Variants in FMNL2 observed in about 807,000 individuals in gnomAD.
The protein encoded by FMNL2 is formin like 2.
Under a neutral mutation model 130.2 loss-of-function variants are expected in FMNL2, and 51 were observed. The observed-to-expected ratio is 0.39, with a 90% CI of 0.31 to 0.49. The LOEUF (loss-of-function observed/expected upper bound fraction) is 0.49, where lower values mean the gene tolerates loss of function less well. FMNL2 is among the 20% of genes least tolerant of loss of function. The probability of loss-of-function intolerance (pLI) is 0.85; values close to 1 mark genes in which losing one functional copy is unlikely to be tolerated. For synonymous variants in FMNL2, 465 were observed against 467.1 expected (o/e 1.00, Z 0.06); for missense variants, 977 against 1,316.2 (o/e 0.74, Z 3.99).
At chr2:152,593,790 G>A (rs958933738) in intron 9 of FMNL2, among the ~76,000 whole-genome samples, 5 of 148,932 alleles carry the variant, frequency 3.4e-5, no homozygotes, top group Admixed American at 1.3e-4. Context: ...TCTTAGCTGT[G>A]CAATGAAGGT....
chr2:152,431,768 C>A (rs376197745), intron 1 of FMNL2, among the ~76,000 whole-genome samples: 6 of 151,810 alleles, frequency 4.0e-5, no homozygotes, highest in African/African-American at 1.5e-4. Context: ...GAGTTGGAGA[C>A]CAGCCCGGGC....
At chr2:152,545,849 C>G (rs1694603815) in intron 3 of FMNL2, among the ~76,000 whole-genome samples, 1 of 152,210 alleles carries the variant, frequency 6.6e-6, no homozygotes, top group Non-Finnish European at 1.5e-5. Context: ...TCCAAGACTT[C>G]TCTGTGGCCC....
chr2:152,374,330 T>A (rs1422960759), intron 1 of FMNL2, among the ~76,000 whole-genome samples: 1 of 152,026 alleles, frequency 6.6e-6, no homozygotes, highest in Non-Finnish European at 1.5e-5. Context: ...TGGGAGAGGG[T>A]CATGGTTATT....
intron 9 of FMNL2, among the ~76,000 whole-genome samples, chr2:152,606,899 A>G (rs1426711423): frequency 6.6e-6 from 1 of 151,770 alleles, no homozygotes; most frequent in Non-Finnish European, 1.5e-5. Context: ...ATTCAGTTAT[A>G]CATATGAACA....
intron 6 of FMNL2, among the ~76,000 whole-genome samples, chr2:152,572,363 G>T (rs1282593104): frequency 6.6e-6 from 1 of 152,162 alleles, no homozygotes; most frequent in African/African-American, 2.4e-5. Flanking sequence ...TTGATTTCCT[G>T]TGGCTGGTGA....
chr2:152,550,863 C>G (rs536704498), intron 4 of FMNL2, among the ~76,000 whole-genome samples: 4 of 152,108 alleles, frequency 2.6e-5, no homozygotes, highest in Non-Finnish European at 5.9e-5. Context: ...TTAGGCTGTG[C>G]GTGGTGGTTC....
intron 2 of FMNL2, among the ~76,000 whole-genome samples, chr2:152,540,454 CT>C (rs1352571032): frequency 6.6e-6 from 1 of 151,936 alleles, no homozygotes; most frequent in East Asian, 1.9e-4. Context: ...GTGTGCTGTT[CT>C]TTTTTTAAAA....
At chr2:152,519,994 T>C in intron 1 of FMNL2, among the ~76,000 whole-genome samples, 1 of 152,188 alleles carries the variant, frequency 6.6e-6, no homozygotes, top group Non-Finnish European at 1.5e-5. Flanking sequence ...AAATAAGCAA[T>C]GATGGACTGA....
intron 9 of FMNL2, among the ~76,000 whole-genome samples, chr2:152,581,953 G>A (rs1421791205): frequency 6.6e-6 from 1 of 152,154 alleles, no homozygotes; most frequent in Non-Finnish European, 1.5e-5. Flanking sequence ...TTTCCTGAAA[G>A]GTTCTGAACT....
At chr2:152,358,973 A>G (rs1476966994) in intron 1 of FMNL2, among the ~76,000 whole-genome samples, 1 of 150,312 alleles carries the variant, frequency 6.7e-6, no homozygotes, top group Non-Finnish European at 1.5e-5. Flanking sequence ...GGTGTTAGAG[A>G]AATTCATCCC....
chr2:152,564,847 T>C (rs887102888), intron 6 of FMNL2, among the ~76,000 whole-genome samples: 2 of 149,338 alleles, frequency 1.3e-5, no homozygotes, highest in African/African-American at 4.9e-5. Flanking sequence ...AGTCATACTT[T>C]ACTTTTTAAT....
chr2:152,460,508 C>T (rs1689178768), intron 1 of FMNL2, among the ~76,000 whole-genome samples: 1 of 152,136 alleles, frequency 6.6e-6, no homozygotes, highest in African/African-American at 2.4e-5. Flanking sequence ...TGAATTGAGC[C>T]AGTATTTGTT....
At chr2:152,498,303 G>T (rs189969578) in intron 1 of FMNL2, among the ~76,000 whole-genome samples, 2 of 152,212 alleles carry the variant, frequency 1.3e-5, no homozygotes, top group African/African-American at 2.4e-5. Flanking sequence ...AAAAAGTATT[G>T]TTATATTGTC....
At chr2:152,601,458 G>A (rs1290480217) in intron 9 of FMNL2, among the ~76,000 whole-genome samples, 3 of 151,156 alleles carry the variant, frequency 2.0e-5, no homozygotes, top group Admixed American at 6.6e-5. Context: ...CTGCCACGAC[G>A]CCCAGCTAAT....
intron 1 of FMNL2, among the ~76,000 whole-genome samples, chr2:152,364,704 A>G (rs2105832956): frequency 6.6e-6 from 1 of 152,328 alleles, no homozygotes; most frequent in Non-Finnish European, 1.5e-5. Flanking sequence ...TCTTACATAA[A>G]TAAGTTTCCT....
chr2:152,546,174 A>T (rs569471802), intron 3 of FMNL2, among the ~76,000 whole-genome samples: 3 of 152,300 alleles, frequency 2.0e-5, no homozygotes, highest in African/African-American at 7.2e-5. Context: ...AGAAGGCGGC[A>T]TTAGGGGCTG....
rs982423570 is a variant in FMNL2, at chr2:152,649,487, G to C, written c.*1582G>C. On this transcript the variant is annotated 3_prime_UTR_variant, in exon 26 of 26. Transcript: ENST00000288670. ...AGAAAGATTAAACTGCCACCTGCGG[G>C]CACATTCCCATAAATGTGTACTTTA... is the stretch of plus-strand genomic sequence containing the variant. 6.6e-6 allele frequency: 1 copy of C among 152,474 alleles called. No homozygotes were observed. Among genetic ancestry groups the C allele is most frequent in the African/African-American group, 2.4e-5 (1 of 41,390 alleles). The allele number at this position is 152,474 out of a possible 1,614,324, so 9.4% of individuals were successfully genotyped here.
intron 1 of FMNL2, among the ~76,000 whole-genome samples, chr2:152,508,778 G>T (rs1395383645): frequency 1.3e-5 from 2 of 152,180 alleles, no homozygotes; most frequent in Non-Finnish European, 2.9e-5. Context: ...CAGGCCTACT[G>T]TTGTGGTTTA....
intron 1 of FMNL2, among the ~76,000 whole-genome samples, chr2:152,416,738 C>CT (rs1320184510): frequency 6.6e-6 from 1 of 152,190 alleles, no homozygotes; most frequent in Non-Finnish European, 1.5e-5. Context: ...CTATATTTAA[C>CT]TTTTAATTAT....
Sources: gnomAD v4.1 joint callset for allele counts (sites outside exome capture counted in the v4.1 genomes callset) on GRCh38, gnomAD v4.1.1 for gene constraint, MANE v1.5 for transcripts, NCBI Gene and HGNC (gene_info 2026-07-23, HGNC 2026-07-21) for gene names.